The following SLC30A8 variants were observed in gnomAD, a reference collection of about 807,000 sequenced individuals.
SLC30A8 encodes proton-coupled zinc antiporter SLC30A8.
SLC30A8 carries 27 observed loss-of-function variants against 36.9 expected under a neutral mutation model. The ratio of observed to expected loss-of-function variants is 0.73; its 90% confidence interval spans 0.54 to 1.01. The LOEUF is 1.01. Among genes scored for constraint, SLC30A8 ranks in the 50% least tolerant of loss-of-function variants. The probability of loss-of-function intolerance (pLI) is 0.00; values close to 1 mark genes in which losing one functional copy is unlikely to be tolerated. For synonymous variants in SLC30A8, 164 were observed against 172.4 expected, an observed-to-expected ratio of 0.95 and a Z score of 0.38; for missense variants, 439 against 452.0, an observed-to-expected ratio of 0.97 and a Z score of 0.26.
chr8:117,087,679 A>G (rs1004769059), intron 2 of SLC30A8, among the ~76,000 whole-genome samples: 2 of 152,034 alleles, frequency 1.3e-5, no homozygotes, highest in Non-Finnish European at 2.9e-5. Context: ...ACCTCATTAT[A>G]TGCCACTCTT....
intron 2 of SLC30A8, among the ~76,000 whole-genome samples, chr8:117,149,418 C>G (rs1170988328): frequency 6.6e-6 from 1 of 152,116 alleles, no homozygotes; most frequent in African/African-American, 2.4e-5. Context: ...CTTAATTAAT[C>G]CCGGTGAATT....
chr8:116,998,710 A>T (rs1213064584), intron 1 of SLC30A8, among the ~76,000 whole-genome samples: 1 of 152,236 alleles, frequency 6.6e-6, no homozygotes, highest in Non-Finnish European at 1.5e-5. Flanking sequence ...AAGAGAAGAC[A>T]CAGAGACACA....
At chr8:117,014,629 C>T (rs1339856906) in intron 1 of SLC30A8, among the ~76,000 whole-genome samples, 1 of 152,108 alleles carries the variant, frequency 6.6e-6, no homozygotes, top group Non-Finnish European at 1.5e-5. Flanking sequence ...GAAATGGATC[C>T]AGTTTTAACT....
intron 2 of SLC30A8, among the ~76,000 whole-genome samples, chr8:117,073,497 T>C (rs1475748432): frequency 6.6e-6 from 1 of 152,142 alleles, no homozygotes; most frequent in Non-Finnish European, 1.5e-5. Context: ...TGATCTGAAG[T>C]GATCTGCCCC....
At chr8:117,061,541 T>G (rs747303720) in intron 2 of SLC30A8, among the ~76,000 whole-genome samples, 4 of 152,242 alleles carry the variant, frequency 2.6e-5, no homozygotes, top group Non-Finnish European at 5.9e-5. Context: ...CCTAGGCTGT[T>G]TCCATTTAAA....
intron 1 of SLC30A8, among the ~76,000 whole-genome samples, chr8:116,990,414 C>T (rs1815594206): frequency 6.6e-6 from 1 of 152,156 alleles, no homozygotes; most frequent in Non-Finnish European, 1.5e-5. Context: ...TATGTACTTT[C>T]CGATATCATG....
intron 1 of SLC30A8, among the ~76,000 whole-genome samples, chr8:116,999,338 T>C (rs537796682): frequency 2.9e-4 from 44 of 151,928 alleles, no homozygotes; most frequent in Admixed American, 3.9e-4. Flanking sequence ...TGGGGCTGGG[T>C]GTGGAAGGCA....
At chr8:116,970,340 A>C (rs1814750013) in intron 1 of SLC30A8, among the ~76,000 whole-genome samples, 1 of 152,214 alleles carries the variant, frequency 6.6e-6, no homozygotes, top group South Asian at 2.1e-4. Context: ...TACGCCCTGA[A>C]GGACCTGCCT....
chr8:117,026,451 G>A (rs1484004466), intron 1 of SLC30A8, among the ~76,000 whole-genome samples: 1 of 152,148 alleles, frequency 6.6e-6, no homozygotes. Context: ...AGAAATTCTT[G>A]TGTAAGAGTT....
At chr8:117,073,658 A>C (rs894949897) in intron 2 of SLC30A8, among the ~76,000 whole-genome samples, 1 of 152,200 alleles carries the variant, frequency 6.6e-6, no homozygotes, top group Non-Finnish European at 1.5e-5. Context: ...TGTCTCATTC[A>C]GTACCATTTT....
chr8:116,993,403 A>G (rs1415722571), intron 1 of SLC30A8, among the ~76,000 whole-genome samples: 1 of 152,100 alleles, frequency 6.6e-6, no homozygotes, highest in Non-Finnish European at 1.5e-5. Context: ...TTTGTAATTT[A>G]ACTGTCTACT....
intron 2 of SLC30A8, among the ~76,000 whole-genome samples, chr8:117,076,259 C>T (rs539785981): frequency 4.3e-4 from 65 of 152,270 alleles, no homozygotes; most frequent in Admixed American, 1.4e-3. Flanking sequence ...GTAACACCAT[C>T]TTCCAAATAT....
At chr8:117,150,422 T>TGTCA (rs1822124570) in intron 2 of SLC30A8, among the ~76,000 whole-genome samples, 1 of 152,192 alleles carries the variant, frequency 6.6e-6, no homozygotes, top group Admixed American at 6.5e-5. Flanking sequence ...GCTCTATTGC[T>TGTCA]GTCACCTTCA....
chr8:117,104,840 T>G (rs574814997), intron 2 of SLC30A8, among the ~76,000 whole-genome samples: 3 of 152,288 alleles, frequency 2.0e-5, no homozygotes, highest in African/African-American at 7.2e-5. Flanking sequence ...CCTCATGAGT[T>G]TTCTGGGAAA....
At chr8:117,148,574 T>C (rs116842486) in intron 2 of SLC30A8, among the ~76,000 whole-genome samples, 4,023 of 152,272 alleles carry the variant, frequency 0.026, 75 homozygotes, top group Admixed American at 0.044. Context: ...AATTGTTCTG[T>C]TCAGTTTTCC....
intron 1 of SLC30A8, among the ~76,000 whole-genome samples, chr8:116,961,558 A>C (rs1369812042): frequency 2.0e-5 from 3 of 152,152 alleles, no homozygotes; most frequent in Admixed American, 6.5e-5. Flanking sequence ...TTGACAGTGG[A>C]GCAAGTTTAG....
chr8:117,153,281 G>C (rs1822287685), intron 3 of SLC30A8, among the ~76,000 whole-genome samples, 191 bp downstream of exon 3: 1 of 152,164 alleles, frequency 6.6e-6, no homozygotes, highest in Non-Finnish European at 1.5e-5. Context: ...ACAGATTAAT[G>C]GTGCTATCTC....
At chr8:117,106,332 T>A (rs530447828) in intron 2 of SLC30A8, among the ~76,000 whole-genome samples, 1 of 152,218 alleles carries the variant, frequency 6.6e-6, no homozygotes, top group Non-Finnish European at 1.5e-5. Flanking sequence ...TTGGGAAATA[T>A]AATTTCCCTT....
chr8:117,107,325 A>G (rs988621265), intron 2 of SLC30A8, among the ~76,000 whole-genome samples: 2 of 152,166 alleles, frequency 1.3e-5, no homozygotes, highest in African/African-American at 4.8e-5. Context: ...CTTTTTAGAT[A>G]AAGTAAAATT....
Sources: allele counts gnomAD v4.1 joint callset (sites outside exome capture counted in the v4.1 genomes callset), GRCh38; gene constraint gnomAD v4.1.1; transcripts MANE v1.5; gene names NCBI Gene and HGNC (gene_info 2026-07-23, HGNC 2026-07-21).